The following CCSER1 variants were observed in gnomAD, a reference collection of about 807,000 sequenced individuals.
CCSER1 encodes serine-rich coiled-coil domain-containing protein 1.
A neutral mutation model predicts 82.0 loss-of-function variants in CCSER1; 41 were observed. The ratio of observed to expected loss-of-function variants is 0.50; its 90% CI spans 0.39 to 0.65. The LOEUF is 0.65. Among genes scored for constraint, CCSER1 ranks in the 30% least tolerant of loss-of-function variants. The probability of loss-of-function intolerance (pLI) is 0.00; values close to 1 mark genes in which losing one functional copy is unlikely to be tolerated. For synonymous variants in CCSER1, 414 were observed against 383.9 expected, an observed-to-expected ratio of 1.08 and a Z score of -0.92; for missense variants, 1,119 against 1,064.2, an observed-to-expected ratio of 1.05 and a Z score of -0.72.
chr4:91,175,076 G>C (rs1258422161), intron 10 of CCSER1, among the ~76,000 whole-genome samples: 7 of 151,978 alleles, frequency 4.6e-5, no homozygotes, highest in Non-Finnish European at 1.0e-4. Context: ...TGTGGTGTTT[G>C]GTTTTCTGTC....
chr4:91,370,656 A>G (rs1749973310), intron 10 of CCSER1, among the ~76,000 whole-genome samples: 1 of 151,828 alleles, frequency 6.6e-6, no homozygotes, highest in Non-Finnish European at 1.5e-5. Context: ...AGATCATGCC[A>G]TTGCACTCCA....
chr4:90,695,327 T>C (rs541458279), intron 6 of CCSER1, among the ~76,000 whole-genome samples: 2 of 152,034 alleles, frequency 1.3e-5, no homozygotes, highest in Non-Finnish European at 2.9e-5. Flanking sequence ...AAGCACTCTT[T>C]TGGAGAATTA....
intron 10 of CCSER1, among the ~76,000 whole-genome samples, chr4:91,324,690 A>G (rs1746428541): frequency 6.6e-6 from 1 of 152,184 alleles, no homozygotes; most frequent in African/African-American, 2.4e-5. Flanking sequence ...GAATAAATAC[A>G]GATTTTATTT....
Position 90,700,567 on chromosome 4 carries a change from G to C in CCSER1, c.1933-23347G>C, listed in dbSNP as rs570345787. Among the ~76,000 whole-genome samples the C allele has an allele frequency of 6.6e-5, 10 of 152,306 alleles. No individual in the cohort carries two copies. The East Asian group carries it at 1.9e-3, about 29-fold the overall frequency. ...TCGATCCTTGAGGAATTGCCACACT[G>C]TCTTCCACAATGGTTGAACTAGTTT... On this transcript the variant is annotated intron_variant, in intron 6 of 10. Transcript: ENST00000509176.
intron 1 of CCSER1, among the ~76,000 whole-genome samples, chr4:90,275,296 TC>T (rs1727344486): frequency 6.6e-6 from 1 of 152,142 alleles, no homozygotes; most frequent in Non-Finnish European, 1.5e-5. Context: ...GACTTTTAAG[TC>T]AATGTGTCTT....
chr4:90,153,348 A>C (rs374312886), intron 1 of CCSER1, among the ~76,000 whole-genome samples: 20 of 152,148 alleles, frequency 1.3e-4, no homozygotes, highest in African/African-American at 4.8e-4. Flanking sequence ...ATAAACATAC[A>C]TGTGCATGTG....
chr4:90,171,395 A>T (rs538975508), intron 1 of CCSER1, among the ~76,000 whole-genome samples: 1 of 151,900 alleles, frequency 6.6e-6, no homozygotes, highest in Non-Finnish European at 1.5e-5. Flanking sequence ...AATATTTGTG[A>T]TGTAAAGTAA....
intron 4 of CCSER1, among the ~76,000 whole-genome samples, chr4:90,422,436 A>AAAGAT (rs1756840698): frequency 6.6e-6 from 1 of 152,102 alleles, no homozygotes. Context: ...TTTACAAAAC[A>AAAGAT]TAAAAGAAAT....
chr4:91,096,371 G>A (rs1724516209), intron 10 of CCSER1, among the ~76,000 whole-genome samples: 1 of 152,166 alleles, frequency 6.6e-6, no homozygotes, highest in African/African-American at 2.4e-5. Context: ...CTCTGAATCA[G>A]ACAGAACTTT....
At chr4:91,235,540 A>G (rs1293493959) in intron 10 of CCSER1, among the ~76,000 whole-genome samples, 1 of 152,162 alleles carries the variant, frequency 6.6e-6, no homozygotes, top group African/African-American at 2.4e-5. Context: ...GTCTAGCACC[A>G]TTCTATCTTC....
At chr4:91,110,102 T>C (rs1725966671) in intron 10 of CCSER1, among the ~76,000 whole-genome samples, 1 of 152,090 alleles carries the variant, frequency 6.6e-6, no homozygotes, top group African/African-American at 2.4e-5. Context: ...TCTGACACCA[T>C]TGCCAAACCA....
intron 7 of CCSER1, among the ~76,000 whole-genome samples, chr4:90,742,792 G>C (rs746700143): frequency 2.0e-5 from 3 of 152,220 alleles, no homozygotes; most frequent in African/African-American, 2.4e-5. Context: ...TTAGACTTAA[G>C]TGTTTTATAA....
At chr4:90,409,543 G>C (rs1754336156) in intron 4 of CCSER1, among the ~76,000 whole-genome samples, 1 of 152,138 alleles carries the variant, frequency 6.6e-6, no homozygotes, top group East Asian at 1.9e-4. Flanking sequence ...CTTCATAAGT[G>C]AAGGAGAAAT....
chr4:90,528,825 GT>G (rs1774119058), intron 5 of CCSER1, among the ~76,000 whole-genome samples: 1 of 152,094 alleles, frequency 6.6e-6, no homozygotes, highest in African/African-American at 2.4e-5. Context: ...CACCTTGTCT[GT>G]TTTTAAATTT....
intron 10 of CCSER1, among the ~76,000 whole-genome samples, chr4:91,438,937 A>G (rs958271100): frequency 6.6e-6 from 1 of 152,186 alleles, no homozygotes; most frequent in Non-Finnish European, 1.5e-5. Context: ...GAGAAAAAAG[A>G]ATAAAAAGAA....
At chr4:90,334,350 CAGAT>C (rs527790383) in intron 3 of CCSER1, among the ~76,000 whole-genome samples, 230 of 152,042 alleles carry the variant, frequency 1.5e-3, no homozygotes, top group Non-Finnish European at 2.5e-3. Context: ...GTAGCACAAA[CAGAT>C]AGGCCTTCTG....
At chr4:91,280,852 G>A (rs1412803371) in intron 10 of CCSER1, among the ~76,000 whole-genome samples, 2 of 152,136 alleles carry the variant, frequency 1.3e-5, no homozygotes, top group Admixed American at 6.5e-5. Flanking sequence ...CCAGAGATGT[G>A]GAGATGCAGG....
chr4:91,516,867 T>C (rs765766565), intron 10 of CCSER1, among the ~76,000 whole-genome samples: 7 of 152,220 alleles, frequency 4.6e-5, no homozygotes, highest in Non-Finnish European at 1.0e-4. Context: ...GTTTGTGTCA[T>C]CTCTGATTTC....
chr4:90,275,889 C>G (rs1409966134), intron 1 of CCSER1, among the ~76,000 whole-genome samples: 1 of 152,052 alleles, frequency 6.6e-6, no homozygotes, highest in East Asian at 1.9e-4. Context: ...AATGAAATAT[C>G]AATAGACCTT....
Sources: gnomAD v4.1 joint callset for allele counts (sites outside exome capture counted in the v4.1 genomes callset) on GRCh38, gnomAD v4.1.1 for gene constraint, MANE v1.5 for transcripts, NCBI Gene and HGNC (gene_info 2026-07-23, HGNC 2026-07-21) for gene names.